TRPS1: variants seen among roughly 807,000 people sequenced by gnomAD.
TRPS1 encodes zinc finger transcription factor Trps1.
A neutral mutation model predicts 101.2 loss-of-function variants in TRPS1; 6 were observed. The ratio of observed to expected loss-of-function variants is 0.06; its 90% CI spans 0.03 to 0.12. TRPS1 has a LOEUF of 0.12. Ranked by LOEUF, TRPS1 falls within the 10% of genes least tolerant of loss-of-function variation. The pLI is 1.00. For missense variants in TRPS1, 1,363 were observed against 1,567.0 expected, an observed-to-expected ratio of 0.87 and a Z score of 2.20; for synonymous variants, 578 against 589.8, an observed-to-expected ratio of 0.98 and a Z score of 0.29.
At chr8:115,530,410 G>A (rs912506036) in intron 5 of TRPS1, among the ~76,000 whole-genome samples, 1 of 152,056 alleles carries the variant, frequency 6.6e-6, no homozygotes, top group Non-Finnish European at 1.5e-5. Flanking sequence ...CTAGGGATCT[G>A]GTATAGAAAG....
At chr8:115,544,417 G>A (rs1480084619) in intron 5 of TRPS1, among the ~76,000 whole-genome samples, 1 of 151,888 alleles carries the variant, frequency 6.6e-6, no homozygotes, top group Non-Finnish European at 1.5e-5. Flanking sequence ...GAAGGGCCAG[G>A]AAGCCACTGA....
intron 4 of TRPS1, among the ~76,000 whole-genome samples, chr8:115,591,102 T>C (rs567867810): frequency 1.3e-5 from 2 of 152,332 alleles, no homozygotes; most frequent in Non-Finnish European, 2.9e-5. Context: ...CAGTTTAGCC[T>C]TTTACTGCTT....
chr8:115,484,676 G>A (rs1177399792), intron 5 of TRPS1, among the ~76,000 whole-genome samples: 3 of 152,166 alleles, frequency 2.0e-5, no homozygotes, highest in African/African-American at 7.2e-5. Context: ...ACCAATTAAT[G>A]TGATGTCCTA....
intron 1 of TRPS1, among the ~76,000 whole-genome samples, chr8:115,662,213 C>T (rs1443330496): frequency 6.6e-6 from 1 of 151,974 alleles, no homozygotes; most frequent in Non-Finnish European, 1.5e-5. Context: ...AAGCAGAGAA[C>T]ACTTCAATGC....
chr8:115,667,756 C>G, intron 1 of TRPS1: 2 of 1,354,078 alleles, frequency 1.5e-6, no homozygotes, highest in Non-Finnish European at 2.0e-6. Flanking sequence ...AAGTTTGAAG[C>G]CTGCATTTGC....
intron 5 of TRPS1, among the ~76,000 whole-genome samples, chr8:115,459,324 AAATAATAAT>A (rs61516910): frequency 6.7e-6 from 1 of 149,850 alleles, no homozygotes; most frequent in Non-Finnish European, 1.5e-5. Flanking sequence ...ACTCTGTCTC[AAATAATAAT>A]AATAATAATA....
Position 115,587,317 on chromosome 8 carries a change from G to T in TRPS1, c.2384C>A (p.Thr795Asn), listed in dbSNP as rs758012161. ...GCGAAGGTCATCACTGGAACTCTCG[G>T]TCCAAACTTTCTCTTTGAGCCCGTC... ...EKDGLKEKVW[T>N]ESSSDDLRNV... The change falls in exon 5 of 7, where the codon ACC becomes AAC. Residue 795 changes from threonine to asparagine, a missense_variant. This residue lies in a region of TRPS1 where 1,020 missense variants were observed against 1,073.0 expected (regional missense o/e 0.95). Coordinates refer to ENST00000395715, the MANE Select transcript of TRPS1 (RefSeq NM_014112.5). The T allele has an allele frequency of 3.1e-6, 5 of 1,614,042 alleles. No homozygotes were observed. The African/African-American group carries it at 4.0e-5, about 13-fold the overall frequency.
chr8:115,667,776 A>G (rs1043646748), intron 1 of TRPS1: 10 of 1,474,256 alleles, frequency 6.8e-6, no homozygotes, highest in Non-Finnish European at 8.2e-6. Context: ...CAAACTCTTC[A>G]AAGCCAAAGG....
At position 115,587,131 on chromosome 8, in the gene TRPS1, C is replaced by A; in HGVS notation, c.2570G>T (p.Gly857Val). The A allele has an allele frequency of 6.2e-7, 1 of 1,614,186 alleles. No individual in the cohort carries two copies. The highest frequency in any genetic ancestry group is 8.5e-7 in the Non-Finnish European group (1 of 1,180,030). ...EAAHLARPIY[G>V]LAVETKGFLQ... ...GAATCCCTTGGTTTCCACAGCCAAG[C>A]CATAAATAGGTCGCGCCAGATGGGC... The change falls in exon 5 of 7, where the codon GGC becomes GTC. Residue 857 changes from glycine (G) to valine (V), a missense_variant. Physicochemically the swap from Gly to Val is moderately radical, Grantham distance 109. Transcript: ENST00000395715.
intron 1 of TRPS1, among the ~76,000 whole-genome samples, chr8:115,647,196 G>A (rs1432449559): frequency 6.6e-6 from 1 of 152,084 alleles, no homozygotes; most frequent in African/African-American, 2.4e-5. Context: ...CTCAGTCATT[G>A]CAAAATATCT....
At chr8:115,445,323 C>A (rs1586280158) in intron 5 of TRPS1, among the ~76,000 whole-genome samples, 1 of 152,186 alleles carries the variant, frequency 6.6e-6, no homozygotes, top group East Asian at 1.9e-4. Flanking sequence ...GTCTACTATG[C>A]TTTCCAAGCC....
chr8:115,667,972 C>T, intron 1 of TRPS1: 2 of 1,398,078 alleles, frequency 1.4e-6, no homozygotes, highest in Middle Eastern at 1.8e-4. Context: ...GTCCAACCAC[C>T]TCCAGCTCCT....
chr8:115,579,461 T>C (rs1034923350), intron 5 of TRPS1, among the ~76,000 whole-genome samples: 5 of 152,112 alleles, frequency 3.3e-5, no homozygotes, highest in African/African-American at 1.2e-4. Flanking sequence ...TTAAACTAAA[T>C]GTAACACTAC....
chr8:115,524,535 G>T (rs938009215), intron 5 of TRPS1, among the ~76,000 whole-genome samples: 1 of 151,682 alleles, frequency 6.6e-6, no homozygotes. Context: ...TGGTCAGGCT[G>T]GTCTCGAACT....
chr8:115,419,256 T>C (rs538142338), intron 5 of TRPS1, among the ~76,000 whole-genome samples: 6 of 152,268 alleles, frequency 3.9e-5, no homozygotes, highest in Admixed American at 1.3e-4. Context: ...ATAATTAGTA[T>C]TGCTTGTTCC....
At chr8:115,417,398 GTGTATTCCCTGTAGCCATAA>G (rs1204700081) in intron 6 of TRPS1, among the ~76,000 whole-genome samples, 1 of 152,120 alleles carries the variant, frequency 6.6e-6, no homozygotes, top group Non-Finnish European at 1.5e-5. Flanking sequence ...TTGTCTAAAA[GTGTATTCCCTGTAGCCATAA>G]TGTATTCACT....
intron 5 of TRPS1, among the ~76,000 whole-genome samples, chr8:115,514,435 T>C (rs897452212): frequency 2.0e-5 from 3 of 151,678 alleles, no homozygotes; most frequent in South Asian, 2.1e-4. Context: ...AATATCACTA[T>C]ACCTCTTTTA....
chr8:115,475,939 C>T (rs1477542823), intron 5 of TRPS1, among the ~76,000 whole-genome samples: 1 of 151,110 alleles, frequency 6.6e-6, no homozygotes, highest in Non-Finnish European at 1.5e-5. Flanking sequence ...AAACAGCAAA[C>T]TAAATTGTAA....
intron 5 of TRPS1, among the ~76,000 whole-genome samples, chr8:115,564,446 G>A (rs1380882447): frequency 6.6e-6 from 1 of 152,004 alleles, no homozygotes; most frequent in Non-Finnish European, 1.5e-5. Flanking sequence ...AAAAACAATA[G>A]ATCCTGATGA....
Sources: gnomAD v4.1 joint callset for allele counts (sites outside exome capture counted in the v4.1 genomes callset) on GRCh38, gnomAD v4.1.1 for gene constraint, gnomAD v4.1.1 regional missense constraint, MANE v1.5 for transcripts, NCBI Gene and HGNC (gene_info 2026-07-23, HGNC 2026-07-21) for gene names.